Variants in FAM228B observed in about 807,000 individuals in gnomAD.
The protein encoded by FAM228B is family with sequence similarity 228 member B.
A neutral mutation model predicts 42.6 loss-of-function variants in FAM228B; 38 were observed. The ratio of observed to expected loss-of-function variants is 0.89; its 90% CI spans 0.69 to 1.17. The LOEUF (loss-of-function observed/expected upper bound fraction) is 1.17. Among genes scored for constraint, FAM228B ranks in the 50% most tolerant of loss-of-function variants. The pLI is 0.00. For missense variants in FAM228B, 344 were observed against 367.3 expected (o/e 0.94, Z 0.52); for synonymous variants, 109 against 122.3 (o/e 0.89, Z 0.72).
At chr2:24,156,461 C>T (rs757395922) in intron 7 of FAM228B, among the ~76,000 whole-genome samples, 3 of 151,832 alleles carry the variant, frequency 2.0e-5, no homozygotes, top group South Asian at 2.1e-4. Flanking sequence ...GGTGAAATCC[C>T]GTCTCTACTA....
intron 2 of FAM228B, among the ~76,000 whole-genome samples, chr2:24,094,065 G>A (rs1056186844): frequency 7.9e-6 from 1 of 125,940 alleles, no homozygotes; most frequent in Non-Finnish European, 1.7e-5. Flanking sequence ...TTTAAGACAG[G>A]GTCTTGCTGT....
At chr2:24,161,171 C>T (rs1003914404) in intron 7 of FAM228B, among the ~76,000 whole-genome samples, 5 of 152,138 alleles carry the variant, frequency 3.3e-5, no homozygotes, top group Admixed American at 3.3e-4. Flanking sequence ...TACCGCCAGG[C>T]GTGGAGGCTC....
At chr2:24,098,660 A>T (rs962842800) in intron 3 of FAM228B, among the ~76,000 whole-genome samples, 1 of 152,242 alleles carries the variant, frequency 6.6e-6, no homozygotes, top group African/African-American at 2.4e-5. Flanking sequence ...AACCAAAAAA[A>T]GTCCAGGACC....
chr2:24,119,501 T>C (rs1666027952), upstream of FAM228B: 2 of 1,067,476 alleles, frequency 1.9e-6, no homozygotes, highest in African/African-American at 1.6e-5. Flanking sequence ...CTGGTTTGAG[T>C]TGGATCTCTG....
chr2:24,117,304 C>A (rs1382505824), intron 3 of FAM228B, among the ~76,000 whole-genome samples: 1 of 152,196 alleles, frequency 6.6e-6, no homozygotes, highest in African/African-American at 2.4e-5. Flanking sequence ...GCGTGAGCCA[C>A]TGCACAAACC....
chr2:24,077,573 C>A lies in FAM228B; in HGVS notation c.-290+604C>A, dbSNP rs764883118. ...GTGGCCGCGTCCTGTCCTGCCCCAT[C>A]CTCCTTCACTGGGGCAGTTCCAGGA... On this transcript the variant is annotated intron_variant, in intron 1 of 10. Transcript: ENST00000613899. The surrounding 1 kb of genome is among the most constrained non-coding windows in gnomAD (Gnocchi z 5.5). 4.3e-5 allele frequency: 69 copies of A among 1,587,886 alleles called. No individual in the cohort carries two copies. The highest frequency in any genetic ancestry group is 5.4e-5 in the Non-Finnish European group (63 of 1,164,830).
Position 24,077,160 on chromosome 2 carries a change from G to A in FAM228B, c.-290+191G>A, listed in dbSNP as rs1290867371. Among the ~76,000 whole-genome samples the A allele has an allele frequency of 1.3e-5, 2 of 152,126 alleles. No homozygotes were observed. The highest frequency in any genetic ancestry group is 1.3e-4 in the Admixed American group (2 of 15,286). On this transcript the variant is annotated intron_variant, in intron 1 of 10. Transcript: ENST00000613899. This position sits in a 1 kb window ranked among gnomAD's most constrained non-coding sequence, Gnocchi z 5.5. Reference sequence around the variant, plus strand: ...TGGGGCCCAGGTGAGTAGCGGGCAGGGCTGGGGCCTGCTGTGGTGCCCACT... The same window carrying A: ...TGGGGCCCAGGTGAGTAGCGGGCAGAGCTGGGGCCTGCTGTGGTGCCCACT...
chr2:24,135,092 T>G, intron 2 of FAM228B, 27 bp from the exon 3 acceptor site: 1 of 1,391,036 alleles, frequency 7.2e-7, no homozygotes, highest in Non-Finnish European at 9.9e-7. Context: ...AAGATTTTCT[T>G]TTCAAAGTTT....
chr2:24,119,472 T>C (rs1018561200), upstream of FAM228B: 18 of 762,098 alleles, frequency 2.4e-5, no homozygotes, highest in Non-Finnish European at 3.0e-5. Flanking sequence ...TTCCAATAAA[T>C]TCCTCCTTTC....
chr2:24,103,648 CCAGCAATG>C (rs1359455905), intron 3 of FAM228B, among the ~76,000 whole-genome samples: 1 of 152,144 alleles, frequency 6.6e-6, no homozygotes, highest in African/African-American at 2.4e-5. Context: ...CACTAGGCAC[CCAGCAATG>C]CAGCGGGTGT....
At chr2:24,121,621 C>T (rs1201045382), upstream of FAM228B, among the ~76,000 whole-genome samples, 1 of 152,190 alleles carries the variant, frequency 6.6e-6, no homozygotes, top group Non-Finnish European at 1.5e-5. Context: ...TAGTTTGAAT[C>T]TCATGTTGAA....
At chr2:24,106,940 A>C (rs2150998131) in intron 3 of FAM228B, among the ~76,000 whole-genome samples, 1 of 152,284 alleles carries the variant, frequency 6.6e-6, no homozygotes, top group South Asian at 2.1e-4. Context: ...ACTAACCTTG[A>C]ATGTAAATCA....
At chr2:24,121,103 G>A (rs1666100588), upstream of FAM228B, 2 of 1,594,478 alleles carry the variant, frequency 1.3e-6, no homozygotes, top group East Asian at 2.2e-5. Context: ...GGCAGAGCAA[G>A]GAAATTTGGA....
intron 2 of FAM228B, among the ~76,000 whole-genome samples, chr2:24,081,633 A>G (rs1665005201): frequency 6.6e-6 from 1 of 151,962 alleles, no homozygotes; most frequent in African/African-American, 2.4e-5. Context: ...CATTTTTCAC[A>G]AATCACAATA....
chr2:24,128,534 AT>A (rs1483066092), intron 2 of FAM228B, among the ~76,000 whole-genome samples: 1 of 151,716 alleles, frequency 6.6e-6, no homozygotes, highest in Non-Finnish European at 1.5e-5. Context: ...GTTTTGGTTA[AT>A]TTTCCTTCTT....
intron 7 of FAM228B, among the ~76,000 whole-genome samples, chr2:24,155,637 T>C (rs1667124680): frequency 6.9e-6 from 1 of 144,644 alleles, no homozygotes; most frequent in Non-Finnish European, 1.5e-5. Context: ...GCCTCCCCAG[T>C]TCAAGCAATT....
At chr2:24,145,905 G>A (rs1666883884) in intron 5 of FAM228B, among the ~76,000 whole-genome samples, 1 of 152,086 alleles carries the variant, frequency 6.6e-6, no homozygotes, top group African/African-American at 2.4e-5. Context: ...TAGCCAGGAT[G>A]GTCTCAATCT....
chr2:24,150,640 G>T (rs1336762465), intron 7 of FAM228B, among the ~76,000 whole-genome samples: 1 of 152,014 alleles, frequency 6.6e-6, no homozygotes, highest in Non-Finnish European at 1.5e-5. Context: ...GGCCAGGCTG[G>T]TCTTGAACTC....
chr2:24,114,975 G>A (rs1274267118), intron 3 of FAM228B, among the ~76,000 whole-genome samples: 1 of 152,164 alleles, frequency 6.6e-6, no homozygotes, highest in Non-Finnish European at 1.5e-5. Flanking sequence ...ACCTGCAAAT[G>A]GGAGTGTGAA....
Sources: allele counts gnomAD v4.1 joint callset (sites outside exome capture counted in the v4.1 genomes callset), GRCh38; gene constraint gnomAD v4.1.1; non-coding constraint Gnocchi (gnomAD v3.1); transcripts MANE v1.5; gene names NCBI Gene and HGNC (gene_info 2026-07-23, HGNC 2026-07-21).